The following CTNNA2 variants were observed in gnomAD, a reference collection of about 807,000 sequenced individuals.
CTNNA2 encodes catenin alpha 2.
A neutral mutation model predicts 101.0 loss-of-function variants in CTNNA2; 42 were observed. The ratio of observed to expected loss-of-function variants is 0.42; its 90% CI spans 0.32 to 0.54. CTNNA2 has a LOEUF of 0.54. Ranked by LOEUF, CTNNA2 falls within the 20% of genes least tolerant of loss-of-function variation. The pLI, the probability that CTNNA2 is intolerant of heterozygous loss-of-function variation, is 0.14. For synonymous variants in CTNNA2, 450 were observed against 456.4 expected, an observed-to-expected ratio of 0.99 and a Z score of 0.18; for missense variants, 871 against 1,223.1, an observed-to-expected ratio of 0.71 and a Z score of 4.29.
chr2:79,702,226 T>A (rs1685060989), intron 2 of CTNNA2, among the ~76,000 whole-genome samples: 1 of 142,844 alleles, frequency 7.0e-6, no homozygotes, highest in Non-Finnish European at 1.5e-5. Flanking sequence ...CCTGCCTTTT[T>A]ACATTTTTAC....
chr2:79,870,668 G>A (rs113689375), intron 5 of CTNNA2, among the ~76,000 whole-genome samples: 13,186 of 152,154 alleles, frequency 0.087, 654 homozygotes, highest in East Asian at 0.15. Flanking sequence ...ACATGGGTGG[G>A]GAGGCCTCAG....
chr2:79,530,196 C>T (rs751178989), intron 1 of CTNNA2, among the ~76,000 whole-genome samples: 4 of 152,078 alleles, frequency 2.6e-5, no homozygotes, highest in Non-Finnish European at 4.4e-5. Context: ...CAATTATTGG[C>T]GTGGGTAACA....
chr2:80,032,975 AC>A (rs1695392444), intron 7 of CTNNA2, among the ~76,000 whole-genome samples: 1 of 151,812 alleles, frequency 6.6e-6, no homozygotes, highest in Non-Finnish European at 1.5e-5. Context: ...GCATGGTGAA[AC>A]CCCATCTCTA....
chr2:79,993,145 A>C (rs1393223209), intron 7 of CTNNA2, among the ~76,000 whole-genome samples: 1 of 152,190 alleles, frequency 6.6e-6, no homozygotes, highest in African/African-American at 2.4e-5. Flanking sequence ...CCTAACTTCT[A>C]CTTCTGCAGC....
chr2:80,304,081 G>T, intron 7 of CTNNA2: 1 of 390,396 alleles, frequency 2.6e-6, no homozygotes. Flanking sequence ...CATGTTAGAT[G>T]CTGCAGCAAA....
chr2:79,446,302 C>T (rs577493720), intron 4 of CTNNA2, among the ~76,000 whole-genome samples: 2 of 151,830 alleles, frequency 1.3e-5, no homozygotes, highest in South Asian at 2.1e-4. Flanking sequence ...GGTTGGAAAA[C>T]GGAAAGATGG....
intron 1 of CTNNA2, among the ~76,000 whole-genome samples, chr2:79,643,295 T>C (rs1327199145): frequency 6.6e-6 from 1 of 152,208 alleles, no homozygotes; most frequent in Non-Finnish European, 1.5e-5. Flanking sequence ...TTCTTACTGG[T>C]CATCTGGTCT....
At chr2:80,096,599 A>G (rs1442782901) in intron 7 of CTNNA2, among the ~76,000 whole-genome samples, 10 of 152,160 alleles carry the variant, frequency 6.6e-5, no homozygotes, top group Non-Finnish European at 1.0e-4. Flanking sequence ...TAATGTTGAC[A>G]GTGGGGTGTT....
intron 2 of CTNNA2, among the ~76,000 whole-genome samples, chr2:79,700,356 G>C (rs998371199): frequency 1.3e-5 from 2 of 152,096 alleles, no homozygotes; most frequent in Non-Finnish European, 2.9e-5. Context: ...ATGCTCTTCT[G>C]TTTAGCCATA....
chr2:80,386,733 T>G (rs1677042062), intron 7 of CTNNA2, among the ~76,000 whole-genome samples: 1 of 152,228 alleles, frequency 6.6e-6, no homozygotes, highest in Non-Finnish European at 1.5e-5. Flanking sequence ...GATTAGCTCC[T>G]AAAACATCTA....
intron 2 of CTNNA2, among the ~76,000 whole-genome samples, chr2:79,679,584 T>G (rs1683418697): frequency 1.3e-5 from 2 of 152,050 alleles, no homozygotes; most frequent in Admixed American, 6.6e-5. Flanking sequence ...CTTTCCCATC[T>G]CTGTGGTCCT....
Position 79,836,363 on chromosome 2 carries a change from T to G in CTNNA2, c.299-21650T>G, listed in dbSNP as rs184171610. On this transcript the variant is annotated intron_variant, in intron 3 of 18. Coordinates refer to ENST00000402739, the MANE Select transcript of CTNNA2 (RefSeq NM_001282597.3). ...CTCAAAGTCTTGTGGAACATCTCAG[T>G]GGCTGAATTATTTTTCAGTGCTCTA... Among the ~76,000 whole-genome samples the G allele has an allele frequency of 2.6e-5, 4 of 152,284 alleles. No individual in the cohort carries two copies. The East Asian group carries it at 5.8e-4, about 22-fold the overall frequency.
intron 1 of CTNNA2, among the ~76,000 whole-genome samples, chr2:79,617,550 T>A (rs1280581030): frequency 6.6e-6 from 1 of 152,240 alleles, no homozygotes; most frequent in Non-Finnish European, 1.5e-5. Flanking sequence ...TCTATGTGAT[T>A]CTGTTTAATA....
chr2:80,370,859 T>C (rs1675375821), intron 7 of CTNNA2, among the ~76,000 whole-genome samples: 1 of 152,156 alleles, frequency 6.6e-6, no homozygotes, highest in Non-Finnish European at 1.5e-5. Context: ...ATTTAGTATG[T>C]TTTACATGAC....
chr2:80,487,992 T>G (rs1237597138), intron 9 of CTNNA2, among the ~76,000 whole-genome samples: 1 of 152,214 alleles, frequency 6.6e-6, no homozygotes, highest in African/African-American at 2.4e-5. Flanking sequence ...TGTAGATCTT[T>G]TTATTTCTGA....
chr2:79,314,230 T>A (rs1013469382), intron 3 of CTNNA2, among the ~76,000 whole-genome samples: 13 of 152,190 alleles, frequency 8.5e-5, no homozygotes, highest in African/African-American at 3.1e-4. Flanking sequence ...TTCTCTTTAG[T>A]ACTGCAGCAT....
intron 9 of CTNNA2, among the ~76,000 whole-genome samples, chr2:80,515,955 G>A (rs1014226944): frequency 1.3e-5 from 2 of 152,118 alleles, no homozygotes; most frequent in Non-Finnish European, 2.9e-5. Context: ...CTAAGGTCTG[G>A]GTGTGTTTTT....
intron 2 of CTNNA2, among the ~76,000 whole-genome samples, chr2:79,666,498 T>A (rs1354556404): frequency 6.6e-6 from 1 of 152,218 alleles, no homozygotes; most frequent in African/African-American, 2.4e-5. Context: ...AGATTTTTAC[T>A]GTTCTTTTAG....
At chr2:79,791,187 G>A (rs1039108949) in intron 3 of CTNNA2, among the ~76,000 whole-genome samples, 1 of 152,072 alleles carries the variant, frequency 6.6e-6, no homozygotes, top group Non-Finnish European at 1.5e-5. Context: ...CATAAAAAAG[G>A]CCATTCAAGA....
Sources: gnomAD v4.1 joint callset for allele counts (sites outside exome capture counted in the v4.1 genomes callset) on GRCh38, gnomAD v4.1.1 for gene constraint, MANE v1.5 for transcripts, NCBI Gene and HGNC (gene_info 2026-07-23, HGNC 2026-07-21) for gene names.